Variants in SLC25A13 observed in about 807,000 individuals in gnomAD.
The protein encoded by SLC25A13 is electrogenic aspartate/glutamate antiporter SLC25A13, mitochondrial.
Under a neutral mutation model 85.5 loss-of-function variants are expected in SLC25A13, and 70 were observed. That is an observed-to-expected ratio of 0.82 (90% CI 0.68 to 1.00). The LOEUF (loss-of-function observed/expected upper bound fraction) is 1.00, where lower values mean the gene tolerates loss of function less well. Ranked by LOEUF, SLC25A13 falls within the 50% of genes least tolerant of loss-of-function variation. SLC25A13 has a pLI of 0.00. For missense variants in SLC25A13, 765 were observed against 819.8 expected (o/e 0.93, Z 0.82); for synonymous variants, 259 against 288.7 (o/e 0.90, Z 1.04).
chr7:96,121,778 T>C, intron 16 of SLC25A13, 33 bp from the exon 17 acceptor site: 2 of 1,613,474 alleles, frequency 1.2e-6, no homozygotes, highest in Non-Finnish European at 1.7e-6. Context: ...CAGATATAAT[T>C]AGATATTTTA....
In SLC25A13 at chr7:96,170,111, C is replaced by A; in HGVS notation, c.1245G>T (p.Val415=). The change falls in exon 13 of 18, where the codon GTG becomes GTT. Residue 415 remains valine, a synonymous_variant. Coordinates refer to ENST00000265631, the MANE Select transcript of SLC25A13 (RefSeq NM_014251.3). ...KAIKLTVNDF[V]RDKFMHKDGS... ...CATCTTTGTGCATAAATTTATCCCT[C>A]ACAAAATCGTTCACCTTGAAGAAAA... 1.9e-6 allele frequency: 3 copies of A among 1,614,106 alleles called. No individual in the cohort carries two copies. Among genetic ancestry groups the A allele is most frequent in the Non-Finnish European group, 2.5e-6 (3 of 1,179,992 alleles).
chr7:96,271,287 C>T (rs1419964302), intron 3 of SLC25A13, among the ~76,000 whole-genome samples: 1 of 152,110 alleles, frequency 6.6e-6, no homozygotes, highest in Non-Finnish European at 1.5e-5. Context: ...TTGATTATTA[C>T]ACATTATATA....
chr7:96,290,448 G>A (rs977895794), intron 2 of SLC25A13, among the ~76,000 whole-genome samples: 9 of 152,004 alleles, frequency 5.9e-5, no homozygotes, highest in African/African-American at 9.7e-5. Context: ...ATGTAAATGG[G>A]CTAAATGCTC....
chr7:96,189,455 C>T, intron 8 of SLC25A13, 77 bp from the exon 9 acceptor site: 1 of 1,556,418 alleles, frequency 6.4e-7, no homozygotes, highest in Admixed American at 1.7e-5. Context: ...AAAAACATCC[C>T]TTTTTTCATT....
intron 3 of SLC25A13, among the ~76,000 whole-genome samples, chr7:96,267,800 CA>C (rs551752880): frequency 2.7e-3 from 331 of 122,462 alleles, no homozygotes; most frequent in Non-Finnish European, 3.1e-3. Context: ...GACTCTGTCT[CA>C]AAAAAAAAAA....
chr7:96,240,747 G>GAAA (rs531256400), intron 3 of SLC25A13, among the ~76,000 whole-genome samples: 1 of 129,872 alleles, frequency 7.7e-6, no homozygotes, highest in South Asian at 2.5e-4. Flanking sequence ...CCATCTACTA[G>GAAA]AAAAAAAAAA....
At chr7:96,219,662 G>A (rs760059513) in intron 4 of SLC25A13, 10 of 533,956 alleles carry the variant, frequency 1.9e-5, no homozygotes, top group South Asian at 1.4e-4. Flanking sequence ...CAAAAATTAT[G>A]AATCAGTAGA....
intron 13 of SLC25A13, among the ~76,000 whole-genome samples, chr7:96,167,354 AT>A (rs924117277): frequency 1.4e-4 from 22 of 152,108 alleles, no homozygotes; most frequent in Non-Finnish European, 2.6e-4. Context: ...AGTGACAATC[AT>A]TTTTTCCCCT....
intron 2 of SLC25A13, among the ~76,000 whole-genome samples, chr7:96,293,924 T>C (rs1267574381): frequency 6.6e-6 from 1 of 152,144 alleles, no homozygotes; most frequent in Non-Finnish European, 1.5e-5. Flanking sequence ...GCAATCCCAT[T>C]ACTGGGTATA....
intron 4 of SLC25A13, among the ~76,000 whole-genome samples, chr7:96,217,688 T>C: frequency 6.6e-6 from 1 of 152,194 alleles, no homozygotes; most frequent in Non-Finnish European, 1.5e-5. Flanking sequence ...CAAATCCATA[T>C]ACACAAAAAG....
intron 13 of SLC25A13, among the ~76,000 whole-genome samples, chr7:96,167,828 G>A (rs1179958841): frequency 6.6e-6 from 1 of 152,090 alleles, no homozygotes; most frequent in African/African-American, 2.4e-5. Context: ...GCTGGGCGGG[G>A]TGGCCCCATG....
chr7:96,127,998 C>A (rs1388728743), intron 15 of SLC25A13, among the ~76,000 whole-genome samples: 2 of 152,284 alleles, frequency 1.3e-5, no homozygotes, highest in East Asian at 3.9e-4. Context: ...TTGCTCACTG[C>A]CCTTCTTGGG....
chr7:96,261,191 T>G (rs1797838744), intron 3 of SLC25A13, among the ~76,000 whole-genome samples: 1 of 152,130 alleles, frequency 6.6e-6, no homozygotes, highest in African/African-American at 2.4e-5. Context: ...CAGAGAGATC[T>G]TCCCTGACCA....
At chr7:96,171,667 G>C in intron 11 of SLC25A13, 143 bp from the exon 12 acceptor site, 1 of 714,920 alleles carries the variant, frequency 1.4e-6, no homozygotes, top group South Asian at 1.6e-5. Context: ...GAGAATATTT[G>C]AAATGGAATG....
intron 2 of SLC25A13, among the ~76,000 whole-genome samples, chr7:96,293,863 A>G (rs972705359): frequency 1.8e-4 from 28 of 152,202 alleles, no homozygotes; most frequent in Non-Finnish European, 3.7e-4. Context: ...ATTGTGGAAG[A>G]CAGTGTGGCA....
chr7:96,270,661 T>C (rs1798207693), intron 3 of SLC25A13, among the ~76,000 whole-genome samples: 1 of 152,094 alleles, frequency 6.6e-6, no homozygotes, highest in Admixed American at 6.6e-5. Context: ...GCCTAGGAAT[T>C]TGAGATCAGC....
intron 3 of SLC25A13, among the ~76,000 whole-genome samples, chr7:96,250,338 A>C (rs919807695): frequency 3.9e-5 from 6 of 152,236 alleles, no homozygotes; most frequent in African/African-American, 1.4e-4. Context: ...AGTGAATCTA[A>C]AAAGTTATAT....
At chr7:96,158,234 G>C (rs369930227) in intron 13 of SLC25A13, among the ~76,000 whole-genome samples, 3 of 152,166 alleles carry the variant, frequency 2.0e-5, no homozygotes, top group African/African-American at 7.2e-5. Context: ...GAACTCATTA[G>C]ATAAAAATAC....
In SLC25A13 at chr7:96,184,276, C is replaced by T. The variant is rs80338722; in HGVS notation, c.1177+1G>A. 6.3e-5 allele frequency: 102 copies of T among 1,614,118 alleles called. No homozygotes were observed. The East Asian group carries it at 2.3e-3, about 36-fold the overall frequency. On this transcript the variant is annotated splice_donor_variant, in intron 11 of 17. Transcript: ENST00000265631. LOFTEE classifies it high-confidence loss of function. The stretch of plus-strand genomic sequence containing the variant: ...ACAGGTATTGAGCATGTGGCACTAA[C>T]CTCTATACAGTCCAAAGAAGCCTTC...
Sources: allele counts gnomAD v4.1 joint callset (sites outside exome capture counted in the v4.1 genomes callset), GRCh38; gene constraint gnomAD v4.1.1; transcripts MANE v1.5; gene names NCBI Gene and HGNC (gene_info 2026-07-23, HGNC 2026-07-21).